The following WRN variants were observed in gnomAD, a reference collection of about 807,000 sequenced individuals.
WRN encodes WRN RecQ like helicase.
A neutral mutation model predicts 180.7 loss-of-function variants in WRN; 149 were observed. The ratio of observed to expected loss-of-function variants is 0.82; its 90% CI spans 0.72 to 0.94. The LOEUF (loss-of-function observed/expected upper bound fraction) is 0.94, where lower values mean the gene tolerates loss of function less well. WRN is among the 40% of genes least tolerant of loss of function. The pLI is 0.00. For synonymous variants in WRN, 548 were observed against 568.9 expected (o/e 0.96, Z 0.52); for missense variants, 1,661 against 1,700.1 (o/e 0.98, Z 0.40).
chr8:31,159,982 G>A (rs981052422), intron 33 of WRN, among the ~76,000 whole-genome samples: 3 of 137,604 alleles, frequency 2.2e-5, no homozygotes, highest in African/African-American at 7.8e-5. Flanking sequence ...ACCCTGACAA[G>A]TTTTAGTTTG....
chr8:31,060,513 T>C (rs1425283091), intron 3 of WRN, among the ~76,000 whole-genome samples: 2 of 152,204 alleles, frequency 1.3e-5, no homozygotes, highest in Non-Finnish European at 2.9e-5. Flanking sequence ...CACTCCAGCC[T>C]GGGCAACAGG....
intron 21 of WRN, among the ~76,000 whole-genome samples, chr8:31,122,647 T>A (rs184877975): frequency 3.9e-4 from 59 of 152,140 alleles, no homozygotes; most frequent in South Asian, 2.1e-4. Flanking sequence ...AGAATTTTTT[T>A]AATTTTCAAG....
intron 5 of WRN, 44 bp downstream of exon 5, chr8:31,065,107 G>T (rs1338072019): frequency 1.3e-6 from 2 of 1,582,746 alleles, no homozygotes; most frequent in East Asian, 4.5e-5. Flanking sequence ...AGATTATTTT[G>T]TGTTACACAG....
At position 31,124,954 on chromosome 8, in the gene WRN, T is replaced by C. The variant is rs890280671; in HGVS notation, c.2779T>C (p.Leu927=). The C allele has an allele frequency of 6.2e-7, 1 of 1,613,218 alleles. No homozygotes were observed. Among genetic ancestry groups the C allele is most frequent in the Non-Finnish European group, 8.5e-7 (1 of 1,179,486 alleles). Residue 927 remains leucine, a synonymous_variant, in exon 23 of 35, where the codon TTG becomes CTG. Coordinates refer to ENST00000298139, the MANE Select transcript of WRN (RefSeq NM_000553.6). The part of the protein sequence containing the change: ...FEDKQVQKAS[L]GIMGTEKCCD... ...GGACAAACAAGTACAAAAAGCCTCC[T>C]TGGGAATTATGGGAACTGAAAAATG...
rs1214199017 is a variant in WRN, at chr8:31,076,640, C to T, written c.839+353C>T. Among the ~76,000 whole-genome samples the T allele has an allele frequency of 3.3e-5, 5 of 152,188 alleles. No homozygotes were observed. In the East Asian group the frequency reaches 9.6e-4, roughly 29 times the overall value. On this transcript the variant is annotated intron_variant, in intron 8 of 34. Coordinates refer to ENST00000298139, the MANE Select transcript of WRN (RefSeq NM_000553.6). ...AAGATTCAAAGTTGTCATTTTCTTT[C>T]TGTTAATGAGTATCTTTGATTTAAT...
chr8:31,161,838 C>CA (rs1157979302), intron 33 of WRN, among the ~76,000 whole-genome samples: 1,800 of 97,776 alleles, frequency 0.018, 93 homozygotes, highest in African/African-American at 0.064. Flanking sequence ...GACTCTGTCT[C>CA]AAAAAAAAAA....
intron 1 of WRN, among the ~76,000 whole-genome samples, chr8:31,044,536 T>C (rs1323725343): frequency 6.6e-6 from 1 of 151,942 alleles, no homozygotes; most frequent in Non-Finnish European, 1.5e-5. Flanking sequence ...TTTGTATTTT[T>C]ATTAGAGATG....
At chr8:31,034,277 A>G (rs1811358704) in intron 1 of WRN, among the ~76,000 whole-genome samples, 1 of 152,180 alleles carries the variant, frequency 6.6e-6, no homozygotes, top group Non-Finnish European at 1.5e-5. Context: ...TATGGCAGAA[A>G]TTGAGCCACT....
At chr8:31,082,222 ATTAC>A (rs1489531224) in intron 9 of WRN, among the ~76,000 whole-genome samples, 2 of 152,212 alleles carry the variant, frequency 1.3e-5, no homozygotes, top group Non-Finnish European at 2.9e-5. Context: ...AGTTTACAAA[ATTAC>A]TTAAGATGCC....
chr8:31,079,131 G>T (rs545434519), intron 8 of WRN, among the ~76,000 whole-genome samples: 1 of 152,286 alleles, frequency 6.6e-6, no homozygotes, highest in African/African-American at 2.4e-5. Context: ...TAACATTAGT[G>T]TGCTTTTAGT....
At chr8:31,134,095 A>G (rs895032108) in intron 24 of WRN, among the ~76,000 whole-genome samples, 9 of 152,184 alleles carry the variant, frequency 5.9e-5, no homozygotes, top group African/African-American at 2.2e-4. Context: ...TAAAAGTACC[A>G]CTTAATGAAA....
chr8:31,067,362 G>A (rs568783551), intron 6 of WRN, among the ~76,000 whole-genome samples, 180 bp downstream of exon 6: 1 of 152,220 alleles, frequency 6.6e-6, no homozygotes, highest in Non-Finnish European at 1.5e-5. Flanking sequence ...ATATTAATTA[G>A]CAAGTACCAA....
rs913485902 is a variant in WRN, at chr8:31,175,659, T to C, written c.*2557T>C. Among the ~76,000 whole-genome samples, 12 of 152,190 alleles carry C rather than the reference T, an allele frequency of 7.9e-5. No homozygotes were observed. Among genetic ancestry groups the C allele is most frequent in the African/African-American group, 2.9e-4 (12 of 41,450 alleles). On this transcript the variant is annotated 3_prime_UTR_variant, in exon 35 of 35. Coordinates refer to ENST00000298139, the MANE Select transcript of WRN (RefSeq NM_000553.6). ...TCTGAACAGGCTATTAAAATACTCT[T>C]CTCTTTTCCAACTACGTGCCTGTGC...
intron 32 of WRN, 110 bp from the exon 33 acceptor site, chr8:31,157,246 GGTTTAGTTCATT>G: frequency 7.2e-7 from 1 of 1,388,446 alleles, no homozygotes; most frequent in Non-Finnish European, 9.9e-7. Flanking sequence ...CTTAAGTAAA[GGTTTAGTTCATT>G]GTTTATTTCA....
chr8:31,053,889 C>T (rs986055326), intron 1 of WRN, among the ~76,000 whole-genome samples: 5 of 152,110 alleles, frequency 3.3e-5, no homozygotes, highest in African/African-American at 4.8e-5. Flanking sequence ...AAAAAGTTCA[C>T]GTTTACTCAA....
chr8:31,147,444 A>C lies in WRN; in HGVS notation c.3540A>C (p.Thr1180=), dbSNP rs1176136890. 1.1e-5 allele frequency: 18 copies of C among 1,613,962 alleles called. No homozygotes were observed. Among genetic ancestry groups the C allele is most frequent in the African/African-American group, 2.7e-5 (2 of 74,936 alleles). Residue 1180 remains threonine, a synonymous_variant, in exon 30 of 35, where the codon ACA becomes ACC. Transcript: ENST00000298139. ...ATGTTCCCCCAGCTATTCTGGCAAC[A>C]AACAAGATACTGGTGGATATGGCCA... ...KMDVPPAILA[T]NKILVDMAKM...
At chr8:31,044,211 T>G (rs1457864759) in intron 1 of WRN, among the ~76,000 whole-genome samples, 5 of 151,574 alleles carry the variant, frequency 3.3e-5, no homozygotes, top group Non-Finnish European at 7.4e-5. Context: ...CCGGCTAATT[T>G]TTTGTGTTTT....
At chr8:31,142,559 A>C (rs1323671425) in intron 26 of WRN, 67 bp from the exon 27 acceptor site, 3 of 1,235,000 alleles carry the variant, frequency 2.4e-6, no homozygotes, top group Admixed American at 2.0e-5. Flanking sequence ...AGAATGGAGT[A>C]TCATGATTCA....
intron 6 of WRN, 70 bp from the exon 7 acceptor site, chr8:31,068,188 G>T: frequency 8.6e-7 from 1 of 1,167,688 alleles, no homozygotes; most frequent in Non-Finnish European, 1.2e-6. Flanking sequence ...CGATTTTTCT[G>T]AAGATGGGAC....
Sources: gnomAD v4.1 joint callset for allele counts (sites outside exome capture counted in the v4.1 genomes callset) on GRCh38, gnomAD v4.1.1 for gene constraint, MANE v1.5 for transcripts, NCBI Gene and HGNC (gene_info 2026-07-23, HGNC 2026-07-21) for gene names.